Variants in ZBTB20 observed in about 807,000 individuals in gnomAD.
ZBTB20 encodes the protein zinc finger and BTB domain containing 20.
In ZBTB20, 9 loss-of-function variants were observed where a neutral mutation model predicts 56.9. The observed-to-expected ratio is 0.16, with a 90% CI of 0.10 to 0.28. The LOEUF (loss-of-function observed/expected upper bound fraction) is 0.28, where lower values mean the gene tolerates loss of function less well. Ranked by LOEUF, ZBTB20 falls within the 10% of genes least tolerant of loss-of-function variation. The pLI is 1.00. For missense variants in ZBTB20, 655 were observed against 1,003.0 expected (o/e 0.65, Z 4.69); for synonymous variants, 417 against 420.7 (o/e 0.99, Z 0.11).
intron 6 of ZBTB20, among the ~76,000 whole-genome samples, chr3:114,691,363 C>T (rs965413512): frequency 6.6e-6 from 1 of 152,012 alleles, no homozygotes; most frequent in African/African-American, 2.4e-5. Flanking sequence ...AACAGGCCAT[C>T]AGTTAGTCAT....
chr3:115,087,361 A>G (rs1192085354), intron 1 of ZBTB20, among the ~76,000 whole-genome samples: 1 of 151,822 alleles, frequency 6.6e-6, no homozygotes, highest in Non-Finnish European at 1.5e-5. Context: ...CATTACTTAC[A>G]TGATCCAAAT....
chr3:115,063,257 A>C (rs564503743), intron 2 of ZBTB20, among the ~76,000 whole-genome samples: 28 of 152,326 alleles, frequency 1.8e-4, no homozygotes, highest in African/African-American at 6.0e-4. Flanking sequence ...AATAATAATA[A>C]ATTGCCATAG....
intron 7 of ZBTB20, among the ~76,000 whole-genome samples, chr3:114,496,879 G>A (rs1411732794): frequency 6.6e-6 from 1 of 152,196 alleles, no homozygotes; most frequent in Admixed American, 6.5e-5. Context: ...AGACAAGCAG[G>A]ACACTGGGAA....
At chr3:115,122,223 A>C (rs1409568050) in intron 1 of ZBTB20, among the ~76,000 whole-genome samples, 1 of 152,056 alleles carries the variant, frequency 6.6e-6, no homozygotes, top group East Asian at 1.9e-4. Flanking sequence ...TAAAGATGAG[A>C]GATGAATTTC....
intron 4 of ZBTB20, among the ~76,000 whole-genome samples, chr3:114,805,377 A>T (rs2072024870): frequency 6.6e-6 from 1 of 151,822 alleles, no homozygotes; most frequent in African/African-American, 2.4e-5. Flanking sequence ...CATGACTGAT[A>T]ATTGTGAAGA....
chr3:114,405,533 A>G (rs540812862), intron 7 of ZBTB20, among the ~76,000 whole-genome samples: 86 of 152,272 alleles, frequency 5.6e-4, no homozygotes, highest in Non-Finnish European at 1.0e-3. Flanking sequence ...AAACTCAGAA[A>G]TGCTGAATGC....
intron 6 of ZBTB20, among the ~76,000 whole-genome samples, chr3:114,614,125 C>T (rs893025360): frequency 2.9e-4 from 44 of 152,198 alleles, no homozygotes; most frequent in African/African-American, 9.6e-4. Context: ...ATTCAGGTAA[C>T]CAACAAAAGA....
intron 4 of ZBTB20, among the ~76,000 whole-genome samples, chr3:114,857,761 C>G (rs770577372): frequency 6.6e-6 from 1 of 152,180 alleles, no homozygotes; most frequent in Non-Finnish European, 1.5e-5. Flanking sequence ...TCTCCCACCT[C>G]CCCTGTATGG....
At chr3:114,579,533 T>TA (rs1429679317) in intron 6 of ZBTB20, among the ~76,000 whole-genome samples, 3 of 150,010 alleles carry the variant, frequency 2.0e-5, no homozygotes, top group African/African-American at 7.3e-5. Context: ...AAAAATGGCC[T>TA]AAAAATATAA....
intron 4 of ZBTB20, among the ~76,000 whole-genome samples, chr3:114,823,143 G>A (rs1334554653): frequency 6.6e-6 from 1 of 152,012 alleles, no homozygotes; most frequent in African/African-American, 2.4e-5. Context: ...CCTGAAATAT[G>A]TTCACATCCC....
At chr3:114,418,654 G>A (rs911455610) in intron 7 of ZBTB20, among the ~76,000 whole-genome samples, 2 of 151,774 alleles carry the variant, frequency 1.3e-5, no homozygotes, top group African/African-American at 4.8e-5. Flanking sequence ...AGTAGTAGAA[G>A]TTTCATTACT....
At chr3:115,092,180 T>C (rs1364335455) in intron 1 of ZBTB20, among the ~76,000 whole-genome samples, 2 of 152,158 alleles carry the variant, frequency 1.3e-5, no homozygotes, top group African/African-American at 2.4e-5. Context: ...AAACATATTA[T>C]AGAATTTTGG....
At chr3:114,359,012 T>A (rs2081529807) in intron 10 of ZBTB20, among the ~76,000 whole-genome samples, 1 of 152,176 alleles carries the variant, frequency 6.6e-6, no homozygotes, top group Non-Finnish European at 1.5e-5. Flanking sequence ...CCTCATGGTA[T>A]GCTTTTCTAT....
intron 6 of ZBTB20, among the ~76,000 whole-genome samples, chr3:114,659,173 A>T (rs961906305): frequency 9.2e-5 from 14 of 152,178 alleles, no homozygotes; most frequent in Non-Finnish European, 1.0e-4. Context: ...TTAACTCTAG[A>T]GGGTCAAATG....
intron 3 of ZBTB20, among the ~76,000 whole-genome samples, chr3:114,930,354 C>G (rs1319277880): frequency 6.6e-6 from 1 of 152,108 alleles, no homozygotes; most frequent in Non-Finnish European, 1.5e-5. Flanking sequence ...AAATAATATT[C>G]CCTTATATCC....
chr3:114,843,188 G>C (rs906303591), intron 4 of ZBTB20, among the ~76,000 whole-genome samples: 1 of 152,108 alleles, frequency 6.6e-6, no homozygotes, highest in African/African-American at 2.4e-5. Context: ...AAATTGCCCA[G>C]TCTCAGGTAG....
intron 4 of ZBTB20, among the ~76,000 whole-genome samples, chr3:114,817,929 C>T (rs2073036211): frequency 6.6e-6 from 1 of 152,010 alleles, no homozygotes; most frequent in South Asian, 2.1e-4. Flanking sequence ...ACCAAAAAAA[C>T]CCTTCAAGTG....
At chr3:115,005,060 G>A (rs2108231650) in intron 2 of ZBTB20, among the ~76,000 whole-genome samples, 1 of 151,666 alleles carries the variant, frequency 6.6e-6, no homozygotes, top group East Asian at 2.0e-4. Flanking sequence ...AGAGACAGAG[G>A]GAAAGTGGGT....
chr3:114,958,094 A>G (rs2077311489), intron 3 of ZBTB20, among the ~76,000 whole-genome samples: 1 of 152,218 alleles, frequency 6.6e-6, no homozygotes, highest in Admixed American at 6.5e-5. Context: ...ATTAATACAC[A>G]GCATTTCAGA....
Sources: allele counts gnomAD v4.1 joint callset (sites outside exome capture counted in the v4.1 genomes callset), GRCh38; gene constraint gnomAD v4.1.1; transcripts MANE v1.5; gene names NCBI Gene and HGNC (gene_info 2026-07-23, HGNC 2026-07-21).